Variants in ITGA5 observed in about 807,000 individuals in gnomAD.
ITGA5 encodes the protein integrin subunit alpha 5, also known as integrin alpha-5.
In ITGA5, 55 loss-of-function variants were observed where a neutral mutation model predicts 146.3. The ratio of observed to expected loss-of-function variants is 0.38; its 90% CI spans 0.30 to 0.47. The LOEUF (loss-of-function observed/expected upper bound fraction) is 0.47. ITGA5 is among the 20% of genes least tolerant of loss of function. The probability of loss-of-function intolerance (pLI) is 0.99; values close to 1 mark genes in which losing one functional copy is unlikely to be tolerated. For missense variants in ITGA5, 1,131 were observed against 1,329.0 expected, an observed-to-expected ratio of 0.85 and a Z score of 2.32; for synonymous variants, 500 against 531.8, an observed-to-expected ratio of 0.94 and a Z score of 0.82.
At position 54,398,629 on chromosome 12, in the gene ITGA5, G is replaced by A. The variant is rs1430755045; in HGVS notation, c.2911C>T (p.Leu971=). ...YKALKMPYRI[L]PRQLPQKERQ... is the part of the protein sequence containing the mutation. ...TCTTTTTGGGGCAGCTGCCGAGGCA[G>A]GATTCGGTAGGGCATCTTCAGGGCT... Residue 971 remains leucine (L), a synonymous_variant, in exon 28 of 30, where the codon CTG becomes TTG. Coordinates refer to ENST00000293379, the MANE Select transcript of ITGA5 (RefSeq NM_002205.5). 1.9e-6 allele frequency: 3 copies of A among 1,611,168 alleles called. No individual in the cohort carries two copies. Among genetic ancestry groups the A allele is most frequent in the African/African-American group, 2.7e-5 (2 of 74,722 alleles).
chr12:54,408,139 G>A lies in ITGA5; in HGVS notation c.788C>T (p.Ala263Val). Reference protein sequence around the residue: ...LVQGQLQTRQASSIYDDSYLG... With the variant: ...LVQGQLQTRQVSSIYDDSYLG... ...GTAGCTGTCATCATAGATGGAACTG[G>A]CCTGGCGAGTCTGCAGCTGCCCCTG... Residue 263 changes from alanine to valine, a missense_variant, in exon 7 of 30, where the codon GCC (alanine) becomes GTC (valine). Transcript: ENST00000293379. The A allele has an allele frequency of 6.2e-7, 1 of 1,614,140 alleles. No homozygotes were observed.
At position 54,416,670 on chromosome 12, in the gene ITGA5, C is replaced by A. The variant is rs1313738770; in HGVS notation, c.218+2311G>T. ...TTTTGTATATGTTTTCTCATTTAGT[C>A]CTCAGAACTCCGTTAGTCAGGTGTC... On this transcript the variant is annotated intron_variant, in intron 1 of 29. Coordinates refer to ENST00000293379, the MANE Select transcript of ITGA5 (RefSeq NM_002205.5). The surrounding 1 kb of genome is among the most constrained non-coding windows in gnomAD (Gnocchi z 4.1). Among the ~76,000 whole-genome samples, 1 of 152,164 alleles carries A rather than the reference C, an allele frequency of 6.6e-6. No homozygotes were observed. The highest frequency in any genetic ancestry group is 1.5e-5 in the Non-Finnish European group (1 of 68,024).
Position 54,403,103 on chromosome 12 carries a change from T to C in ITGA5, c.1915-53A>G. ...GAAGTTTAGACCCATTCCTGGGCTG[T>C]AGGCTCTTCTCTTTCCATGGCCCTG... On this transcript the variant is annotated intron_variant, in intron 18 of 29. Coordinates refer to ENST00000293379, the MANE Select transcript of ITGA5 (RefSeq NM_002205.5). The surrounding 1 kb of genome is among the most constrained non-coding windows in gnomAD (Gnocchi z 4.9). 1 of 1,609,716 alleles carries C rather than the reference T, an allele frequency of 6.2e-7. No individual in the cohort carries two copies.
intron 9 of ITGA5, 117 bp from the exon 10 acceptor site, chr12:54,406,043 T>C (rs1955862544): frequency 1.2e-6 from 1 of 842,592 alleles, no homozygotes; most frequent in Non-Finnish European, 2.0e-6. Flanking sequence ...CAGACCACTG[T>C]CCCTAGCTCC....
In ITGA5 at chr12:54,403,916, G is replaced by A. The variant is rs1245087831; in HGVS notation, c.1616C>T (p.Ser539Phe). The A allele has an allele frequency of 1.9e-6, 3 of 1,614,164 alleles. No homozygotes were observed. Among genetic ancestry groups the A allele is most frequent in the Admixed American group, 1.7e-5 (1 of 60,024 alleles). ...LNASGKHVAD[S>F]IGFTVELQLD... The stretch of plus-strand genomic sequence containing the variant: ...ATCCAGGCAGTCTCCCTCACCAATG[G>A]AGTCAGCAACGTGTTTTCCAGAAGC... The change falls in exon 16 of 30, where the codon TCC becomes TTC. Residue 539 changes from serine (S) to phenylalanine (F), a missense_variant. By Grantham distance (155) the Ser-to-Phe change is radical. Around this residue, in one of 3 missense-constraint regions of ITGA5, gnomAD observed 889 missense variants for 1,021.5 expected, o/e 0.87. Transcript: ENST00000293379. The surrounding 1 kb of genome is among the most constrained non-coding windows in gnomAD (Gnocchi z 4.9).
chr12:54,402,842 T>C, intron 19 of ITGA5, 141 bp downstream of exon 19: 1 of 648,008 alleles, frequency 1.5e-6, no homozygotes, highest in Non-Finnish European at 2.8e-6. Flanking sequence ...AATGCTACTA[T>C]TCCCACTATA....
Position 54,402,970 on chromosome 12 carries a change from C to T in ITGA5, c.1982+13G>A, listed in dbSNP as rs756183304. The T allele has an allele frequency of 1.2e-6, 2 of 1,612,942 alleles. No individual in the cohort carries two copies. The highest frequency in any genetic ancestry group is 2.2e-5 in the East Asian group (1 of 44,864). On this transcript the variant is annotated intron_variant, in intron 19 of 29. Transcript: ENST00000293379. ...CACCTGGAGCTCCCTAGCTTACCGT[C>T]AGCCCTACTTACCCAAACACTTCCA...
chr12:54,408,343 A>C, intron 6 of ITGA5, 108 bp from the exon 7 acceptor site: 1 of 1,250,786 alleles, frequency 8.0e-7, no homozygotes, highest in Non-Finnish European at 1.1e-6. Context: ...AAGAAAGGGA[A>C]GCATGGGGAG....
At chr12:54,415,418 T>G (rs566984966) in intron 1 of ITGA5, among the ~76,000 whole-genome samples, 5 of 152,202 alleles carry the variant, frequency 3.3e-5, no homozygotes, top group Non-Finnish European at 7.3e-5. Flanking sequence ...GGCCTCGTTC[T>G]GACACTCCCT....
chr12:54,414,403 A>C (rs1009025659), intron 1 of ITGA5, among the ~76,000 whole-genome samples: 1 of 152,238 alleles, frequency 6.6e-6, no homozygotes, highest in African/African-American at 2.4e-5. Flanking sequence ...AACGGAAATC[A>C]TGCATTTACC....
rs762925290 is a variant in ITGA5 at position 54,402,266 on chromosome 12, C to T, written c.2047G>A (p.Val683Met). The T allele has an allele frequency of 5.0e-6, 8 of 1,614,202 alleles. No individual in the cohort carries two copies. Among genetic ancestry groups the T allele is most frequent in the Non-Finnish European group, 5.1e-6 (6 of 1,180,020 alleles). Reference sequence around the variant, plus strand: ...GCCTCATAGGCGCCACCCTCACCCACATTCTGGGCATGGAAAGTGAGGTTC... The same window carrying T: ...GCCTCATAGGCGCCACCCTCACCCATATTCTGGGCATGGAAAGTGAGGTTC... ...ALNLTFHAQNVGEGGAYEAEL... is the reference protein window; with the variant it reads ...ALNLTFHAQNMGEGGAYEAEL... The change falls in exon 20 of 30, where the codon GTG becomes ATG. Residue 683 changes from valine (V) to methionine (M), a missense_variant. This residue lies in a region of ITGA5 where 889 missense variants were observed against 1,021.5 expected (regional missense o/e 0.87). Coordinates refer to ENST00000293379, the MANE Select transcript of ITGA5 (RefSeq NM_002205.5).
intron 2 of ITGA5, 64 bp downstream of exon 2, chr12:54,411,770 C>A: frequency 7.3e-7 from 1 of 1,373,460 alleles, no homozygotes; most frequent in Non-Finnish European, 9.6e-7. Context: ...CCAGGCCCCA[C>A]CCAGGCCTTG....
chr12:54,413,953 G>A (rs1955976437), intron 1 of ITGA5, among the ~76,000 whole-genome samples: 1 of 152,242 alleles, frequency 6.6e-6, no homozygotes, highest in Non-Finnish European at 1.5e-5. Context: ...GAGGAGCTGA[G>A]CCTGACACTC....
At position 54,401,251 on chromosome 12, in the gene ITGA5, A is replaced by G. The variant is rs552043245; in HGVS notation, c.2493+122T>C. ...ACAGGACTCTGCCTCATGCCTTTGC[A>G]TATCACTTACTCCTCCCTCCTCTCT... On this transcript the variant is annotated intron_variant, in intron 24 of 29. Transcript: ENST00000293379. The surrounding 1 kb of genome is among the most constrained non-coding windows in gnomAD (Gnocchi z 5.0). The G allele has an allele frequency of 1.2e-6, 1 of 846,042 alleles. No individual in the cohort carries two copies. Among genetic ancestry groups the G allele is most frequent in the African/African-American group, 1.7e-5 (1 of 59,798 alleles). 52.4% of individuals were successfully genotyped at this position (846,042 alleles called of 1,614,324 possible).
At chr12:54,418,881 C>T in intron 1 of ITGA5, 100 bp downstream of exon 1, 1 of 1,370,706 alleles carries the variant, frequency 7.3e-7, no homozygotes, top group Non-Finnish European at 9.9e-7. Context: ...ACAAACTCCA[C>T]CCTCAAACTT....
Position 54,403,021 on chromosome 12 carries a change from G to C in ITGA5, c.1944C>G (p.Asp648Glu). The change falls in exon 19 of 30, where the codon GAC becomes GAG. Residue 648 changes from aspartate to glutamate, a missense_variant. By Grantham distance (45) the Asp-to-Glu change is conservative. Transcript: ENST00000293379. This position sits in a 1 kb window ranked among gnomAD's most constrained non-coding sequence, Gnocchi z 4.9. ...GCTGCAGGTCAGGCACACAGATGTT[G>C]TCTTCTCCACAGTCCAGCAAGATCT... is the stretch of plus-strand genomic sequence containing the variant. ...KAQILLDCGEDNICVPDLQLE... is the reference protein window; with the variant it reads ...KAQILLDCGEENICVPDLQLE... 1 of 1,614,158 alleles carries C rather than the reference G, an allele frequency of 6.2e-7. No individual in the cohort carries two copies.
Position 54,409,043 on chromosome 12 carries a change from A to T in ITGA5, c.584-89T>A, listed in dbSNP as rs1955905907. 2 of 1,457,954 alleles carry T rather than the reference A, an allele frequency of 1.4e-6. No individual in the cohort carries two copies. Among genetic ancestry groups the T allele is most frequent in the South Asian group, 2.3e-5 (2 of 86,742 alleles). 90.3% of individuals were successfully genotyped at this position (1,457,954 alleles called of 1,614,324 possible). ...GGGCATAGGGAAGGAGGTGGGAGAG[A>T]GAACCAGAGAAAGGGCCTTCCTGGA... On this transcript the variant is annotated intron_variant, in intron 4 of 29. Transcript: ENST00000293379. This position sits in a 1 kb window ranked among gnomAD's most constrained non-coding sequence, Gnocchi z 4.7.
At chr12:54,404,005 G>A in intron 15 of ITGA5, 39 bp from the exon 16 acceptor site, 1 of 1,606,986 alleles carries the variant, frequency 6.2e-7, no homozygotes, top group Non-Finnish European at 8.5e-7. Context: ...GAATCCAACT[G>A]GAACAGACAT....
chr12:54,417,246 T>G (rs1956017979), intron 1 of ITGA5, among the ~76,000 whole-genome samples: 1 of 151,824 alleles, frequency 6.6e-6, no homozygotes. Flanking sequence ...CCAGATGTTT[T>G]AGAGGAGTGT....
Sources: allele counts gnomAD v4.1 joint callset (sites outside exome capture counted in the v4.1 genomes callset), GRCh38; gene constraint gnomAD v4.1.1; regional missense constraint gnomAD v4.1.1; non-coding constraint Gnocchi (gnomAD v3.1); transcripts MANE v1.5; gene names NCBI Gene and HGNC (gene_info 2026-07-23, HGNC 2026-07-21).